U2AF2: variants seen among roughly 807,000 people sequenced by gnomAD.
The protein encoded by U2AF2 is U2 small nuclear RNA auxiliary factor 2.
Under a neutral mutation model 52.6 loss-of-function variants are expected in U2AF2, and 6 were observed. That is an observed-to-expected ratio of 0.11 (90% CI 0.06 to 0.23). U2AF2 has a LOEUF of 0.23. Ranked by LOEUF, U2AF2 falls within the 10% of genes least tolerant of loss-of-function variation. The probability of loss-of-function intolerance (pLI) is 1.00; values close to 1 mark genes in which losing one functional copy is unlikely to be tolerated. For synonymous variants in U2AF2, 284 were observed against 258.2 expected (o/e 1.10, Z -0.96); for missense variants, 222 against 677.1 (o/e 0.33, Z 7.46).
chr19:55,661,851 C>T (rs1984225111), intron 5 of U2AF2: 1 of 152,456 alleles, frequency 6.6e-6, no homozygotes, highest in Non-Finnish European at 1.5e-5. Flanking sequence ...TCCATTCTGA[C>T]TTTCTCAACC....
At chr19:55,656,472 A>T (rs1983803210) in intron 1 of U2AF2, among the ~76,000 whole-genome samples, 1 of 152,016 alleles carries the variant, frequency 6.6e-6, no homozygotes, top group African/African-American at 2.4e-5. Flanking sequence ...GTCGTTTAGT[A>T]ACTGCTTTTA....
chr19:55,660,734 G>C, intron 4 of U2AF2, 115 bp downstream of exon 4: 1 of 1,056,232 alleles, frequency 9.5e-7, no homozygotes, highest in Non-Finnish European at 1.4e-6. Flanking sequence ...GTAGAGGGTT[G>C]CACACCCCTG....
chr19:55,658,641 C>T (rs1028631222), intron 1 of U2AF2, among the ~76,000 whole-genome samples: 1 of 152,094 alleles, frequency 6.6e-6, no homozygotes, highest in East Asian at 1.9e-4. Context: ...TTCTCCGAGG[C>T]CCTTCTCTTC....
chr19:55,674,132 T>C lies in U2AF2; in HGVS notation c.*64T>C, dbSNP rs983891744. ...GCTTCTCCCCACTCCCGCCCCCCCC[T>C]TATCCCCCTCTGAAGACGATGGGCA... On this transcript the variant is annotated 3_prime_UTR_variant, in exon 12 of 12. Coordinates refer to ENST00000308924, the MANE Select transcript of U2AF2 (RefSeq NM_007279.3). 2 of 1,459,500 alleles carry C rather than the reference T, an allele frequency of 1.4e-6. No individual in the cohort carries two copies. Among genetic ancestry groups the C allele is most frequent in the Non-Finnish European group, 1.8e-6 (2 of 1,099,574 alleles). The allele number at this position is 1,459,500 out of a possible 1,614,324, so 90.4% of individuals were successfully genotyped here. A position where few individuals can be genotyped will look rare whatever the true frequency, so the allele number is the denominator to read the frequency against.
chr19:55,655,356 C>T (rs1186168948), intron 1 of U2AF2, among the ~76,000 whole-genome samples: 1 of 152,144 alleles, frequency 6.6e-6, no homozygotes, highest in African/African-American at 2.4e-5. Flanking sequence ...CGGCGGGGCG[C>T]GGGCCCGTGA....
intron 11 of U2AF2, 115 bp downstream of exon 11, chr19:55,669,807 T>C: frequency 7.2e-7 from 1 of 1,396,432 alleles, no homozygotes; most frequent in Non-Finnish European, 9.5e-7. Flanking sequence ...CCGCGCGCTC[T>C]TTCTTCCTCT....
Position 55,662,499 on chromosome 19 carries a change from C to T in U2AF2, c.487-3C>T. ...CCCCCCTTGTCTCCTATTCCCTCTG[C>T]AGGAGGCCATGATGGATTTCTTCAA... On this transcript the variant is annotated splice_polypyrimidine_tract_variant and splice_region_variant and intron_variant, in intron 5 of 11. Transcript: ENST00000308924. 1.4e-6 allele frequency: 2 copies of T among 1,397,548 alleles called. No homozygotes were observed. Among genetic ancestry groups the T allele is most frequent in the Non-Finnish European group, 2.0e-6 (2 of 1,022,882 alleles). 86.6% of individuals were successfully genotyped at this position (1,397,548 alleles called of 1,614,324 possible).
intron 11 of U2AF2, among the ~76,000 whole-genome samples, chr19:55,670,150 G>A (rs909970881): frequency 1.3e-5 from 2 of 151,920 alleles, no homozygotes; most frequent in African/African-American, 2.4e-5. Flanking sequence ...AGCCCTCCCC[G>A]TAGCCCCTGA....
chr19:55,670,131 C>T (rs1984799381), intron 11 of U2AF2, among the ~76,000 whole-genome samples: 1 of 151,986 alleles, frequency 6.6e-6, no homozygotes, highest in South Asian at 2.1e-4. Context: ...TGTGTCTGTG[C>T]TCACCCTGAG....
At chr19:55,669,908 G>A (rs1243263740) in intron 11 of U2AF2, among the ~76,000 whole-genome samples, 1 of 152,226 alleles carries the variant, frequency 6.6e-6, no homozygotes, top group Non-Finnish European at 1.5e-5. Flanking sequence ...GTGACCCTGA[G>A]GGGTTTGTGG....
At chr19:55,657,130 C>T (rs184584814) in intron 1 of U2AF2, among the ~76,000 whole-genome samples, 1 of 152,354 alleles carries the variant, frequency 6.6e-6, no homozygotes, top group African/African-American at 2.4e-5. Context: ...TTCTTTGAGG[C>T]TCTCAGATGG....
chr19:55,671,157 ATG>A (rs1984894474), intron 11 of U2AF2, among the ~76,000 whole-genome samples: 1 of 152,096 alleles, frequency 6.6e-6, no homozygotes, highest in South Asian at 2.1e-4. Flanking sequence ...GGGAAAATGA[ATG>A]AGGTCTCCCG....
In U2AF2 at chr19:55,660,445, G is replaced by T. The variant is rs897439481; in HGVS notation, c.231-71G>T. ...GGGGAGGGTGAAAGGGTGCCTGGGA[G>T]GGGGCTCGCAGGCCCACTGTTGGTC... On this transcript the variant is annotated intron_variant, in intron 3 of 11. Coordinates refer to ENST00000308924, the MANE Select transcript of U2AF2 (RefSeq NM_007279.3). 4.8e-5 allele frequency: 57 copies of T among 1,189,882 alleles called. 1 individual carries two copies. The highest frequency in any genetic ancestry group is 6.0e-5 in the Non-Finnish European group (49 of 815,602). 73.7% of individuals were successfully genotyped at this position (1,189,882 alleles called of 1,614,324 possible).
At position 55,668,392 on chromosome 19, in the gene U2AF2, G is replaced by T; in HGVS notation, c.743-115G>T. On this transcript the variant is annotated intron_variant, in intron 7 of 11. Transcript: ENST00000308924. The surrounding 1 kb of genome is among the most constrained non-coding windows in gnomAD (Gnocchi z 5.5). ...GTGGGCACGTGGCGACCCCTCCCTC[G>T]TCAGATCAGGCAGGAAGTGTTCTCT... 1 of 1,071,848 alleles carries T rather than the reference G, an allele frequency of 9.3e-7. No homozygotes were observed. The highest frequency in any genetic ancestry group is 1.6e-5 in the African/African-American group (1 of 62,164). 66.4% of individuals were successfully genotyped at this position (1,071,848 alleles called of 1,614,324 possible).
chr19:55,670,957 G>T (rs957233313), intron 11 of U2AF2, among the ~76,000 whole-genome samples: 1 of 152,200 alleles, frequency 6.6e-6, no homozygotes, highest in Admixed American at 6.5e-5. Context: ...GAGCTGGCAG[G>T]GTTGGTCTTG....
intron 2 of U2AF2, among the ~76,000 whole-genome samples, chr19:55,659,595 T>G (rs1486001897): frequency 6.6e-6 from 1 of 152,010 alleles, no homozygotes; most frequent in Non-Finnish European, 1.5e-5. Flanking sequence ...CAATAGGCTC[T>G]TTATCTGGAG....
rs544380814 is a variant in U2AF2, at chr19:55,671,149, G to A, written c.1293+1457G>A. On this transcript the variant is annotated intron_variant, in intron 11 of 11. Transcript: ENST00000308924. ...TTGAGGTGATTGTGGCTGCAGTTGG[G>A]AAAATGAATGAGGTCTCCCGCAATA... Among the ~76,000 whole-genome samples the A allele has an allele frequency of 1.2e-4, 19 of 152,270 alleles. No individual in the cohort carries two copies. In the East Asian group the frequency reaches 3.7e-3, roughly 29 times the overall value.
At chr19:55,666,619 C>A (rs1416039032) in intron 7 of U2AF2, among the ~76,000 whole-genome samples, 1 of 152,238 alleles carries the variant, frequency 6.6e-6, no homozygotes, top group Non-Finnish European at 1.5e-5. Context: ...TTCTCACACA[C>A]GTGGCTCACA....
At chr19:55,656,195 T>A (rs1340869293) in intron 1 of U2AF2, among the ~76,000 whole-genome samples, 1 of 152,226 alleles carries the variant, frequency 6.6e-6, no homozygotes, top group South Asian at 2.1e-4. Context: ...TTTCAGTTTG[T>A]GAAGAAATAC....
Sources: gnomAD v4.1 joint callset for allele counts (sites outside exome capture counted in the v4.1 genomes callset) on GRCh38, gnomAD v4.1.1 for gene constraint, Gnocchi (gnomAD v3.1) non-coding constraint, MANE v1.5 for transcripts, NCBI Gene and HGNC (gene_info 2026-07-23, HGNC 2026-07-21) for gene names.